Variants in ZFP1 observed in about 807,000 individuals in gnomAD.
ZFP1 encodes zinc finger protein 1 homolog.
A neutral mutation model predicts 38.5 loss-of-function variants in ZFP1; 32 were observed. The ratio of observed to expected loss-of-function variants is 0.83; its 90% CI spans 0.63 to 1.12. The LOEUF is 1.12. Among genes scored for constraint, ZFP1 ranks in the 50% most tolerant of loss-of-function variants. The pLI is 0.00. For missense variants in ZFP1, 616 were observed against 480.8 expected, an observed-to-expected ratio of 1.28 and a Z score of -2.63; for synonymous variants, 245 against 168.8, an observed-to-expected ratio of 1.45 and a Z score of -3.50.
chr16:75,153,858 T>C (rs1427113532), intron 2 of ZFP1, among the ~76,000 whole-genome samples: 1 of 152,196 alleles, frequency 6.6e-6, no homozygotes, highest in Admixed American at 6.5e-5. Context: ...TCTCCCTCTG[T>C]CTCCCTAAGT....
chr16:75,119,846 C>G, the ZFP1 span, among the ~76,000 whole-genome samples: 2 of 151,338 alleles, frequency 1.3e-5, no homozygotes, highest in East Asian at 1.9e-4. Context: ...TGGCTAAATT[C>G]ACACACACAC....
intron 2 of ZFP1, among the ~76,000 whole-genome samples, chr16:75,164,295 G>A (rs1052508085): frequency 1.3e-5 from 2 of 152,064 alleles, no homozygotes; most frequent in African/African-American, 4.8e-5. Flanking sequence ...GATTTTATCT[G>A]CTTTTCCTTC....
At position 75,169,931 on chromosome 16, in the gene ZFP1, G is replaced by C. The variant is rs1379331693; in HGVS notation, c.821G>C (p.Gly274Ala). The C allele has an allele frequency of 6.2e-7, 1 of 1,614,042 alleles. No homozygotes were observed. Among genetic ancestry groups the C allele is most frequent in the Non-Finnish European group, 8.5e-7 (1 of 1,180,038 alleles). ...AAGCCCTATGAGTGCAGTGAATGTG[G>C]AAAGACATTTGCCCAAAAGTTTGAA... ...EKKPYECSEC[G>A]KTFAQKFELT... The change falls in exon 4 of 4, where the codon GGA (glycine) becomes GCA (alanine). Residue 274 changes from glycine to alanine, a missense_variant. By Grantham distance (60) the Gly-to-Ala change is moderately conservative. Coordinates refer to ENST00000570010, the MANE Select transcript of ZFP1 (RefSeq NM_153688.4).
the ZFP1 span, chr16:75,119,724 A>G: frequency 2.4e-4 from 36 of 152,064 alleles, no homozygotes; most frequent in African/African-American, 8.7e-4. Flanking sequence ...GTTGTTGTTC[A>G]TTTCTCTTTT....
the ZFP1 span, among the ~76,000 whole-genome samples, chr16:75,136,339 G>A: frequency 4.6e-5 from 7 of 152,194 alleles, no homozygotes; most frequent in Non-Finnish European, 1.0e-4. Context: ...AGTCAATGAA[G>A]TTGTTTTTTG....
chr16:75,133,484 T>G, the ZFP1 span, among the ~76,000 whole-genome samples: 3 of 152,234 alleles, frequency 2.0e-5, no homozygotes, highest in Admixed American at 2.0e-4. Context: ...TATAAATTCT[T>G]ATCATTTAGC....
the ZFP1 span, among the ~76,000 whole-genome samples, chr16:75,132,140 C>T: frequency 6.6e-6 from 1 of 152,126 alleles, no homozygotes; most frequent in Admixed American, 6.5e-5. Context: ...GTCATCCCAG[C>T]GCTTTGGGAA....
intron 2 of ZFP1, 114 bp downstream of exon 2, chr16:75,153,080 A>G: frequency 7.2e-7 from 1 of 1,393,484 alleles, no homozygotes; most frequent in South Asian, 1.3e-5. Context: ...ACATAGCAAG[A>G]ATAACTAATC....
intron 2 of ZFP1, among the ~76,000 whole-genome samples, chr16:75,165,300 T>C (rs2038011068): frequency 6.6e-6 from 1 of 152,202 alleles, no homozygotes; most frequent in South Asian, 2.1e-4. Context: ...CTAAATACTT[T>C]CAGCCCTTTG....
chr16:75,165,530 G>T (rs1161199058), intron 2 of ZFP1, among the ~76,000 whole-genome samples: 1 of 152,132 alleles, frequency 6.6e-6, no homozygotes, highest in East Asian at 1.9e-4. Flanking sequence ...GAGTAGCTGG[G>T]ATTACAGGCG....
At position 75,171,734 on chromosome 16, in the gene ZFP1, A is replaced by C. The variant is rs1259048284; in HGVS notation, c.*1400A>C. ...GATATCATTGATGTGCTGTCACACT[A>C]TATATTGAGTGACTTTCTGAACAAA... On this transcript the variant is annotated 3_prime_UTR_variant, in exon 4 of 4. Transcript: ENST00000570010. The C allele has an allele frequency of 6.6e-6, 1 of 152,236 alleles. No individual in the cohort carries two copies. The highest frequency in any genetic ancestry group is 6.5e-5 in the Admixed American group (1 of 15,270). The allele number at this position is 152,236 out of a possible 1,614,324, so 9.4% of individuals were successfully genotyped here.
intron 1 of ZFP1, among the ~76,000 whole-genome samples, chr16:75,151,127 G>A (rs2037184010): frequency 6.6e-6 from 1 of 151,846 alleles, no homozygotes; most frequent in Non-Finnish European, 1.5e-5. Context: ...CCAAAGTGCT[G>A]GGTTTACAGG....
At chr16:75,167,154 AAG>A (rs2038134616) in intron 3 of ZFP1, among the ~76,000 whole-genome samples, 1 of 152,244 alleles carries the variant, frequency 6.6e-6, no homozygotes. Flanking sequence ...GAGCAACCAG[AAG>A]AGTTTTGGGT....
chr16:75,164,432 A>G (rs1439463436), intron 2 of ZFP1, among the ~76,000 whole-genome samples: 1 of 152,226 alleles, frequency 6.6e-6, no homozygotes. Context: ...AGTTGATGAC[A>G]TCCAGAAATT....
At chr16:75,169,208 C>T (rs370228453) in intron 3 of ZFP1, 45 bp from the exon 4 acceptor site, 73 of 1,550,332 alleles carry the variant, frequency 4.7e-5, no homozygotes, top group Middle Eastern at 1.7e-4. Flanking sequence ...AACATTATAG[C>T]GGAGGCATTG....
the ZFP1 span, chr16:75,126,418 C>G: frequency 6.6e-6 from 1 of 151,028 alleles, no homozygotes; most frequent in African/African-American, 2.4e-5. Context: ...AAAGTCCACC[C>G]GCCTCGACAG....
rs760930315 is a variant in ZFP1, at chr16:75,169,243, CTA to C, written c.143-8_143-7del. 2.5e-5 allele frequency: 40 copies of C among 1,593,204 alleles called. No homozygotes were observed. The East Asian group carries it at 3.6e-4, about 14-fold the overall frequency. ...GACAAGGTTCTTTTCATTGTGCTCT[CTA>C]TTCCTAGAAGTGTGGAAGGCTGATG... is the stretch of plus-strand genomic sequence containing the variant. On this transcript the variant is annotated splice_region_variant and splice_polypyrimidine_tract_variant and intron_variant, in intron 3 of 3. Transcript: ENST00000570010.
the ZFP1 span, among the ~76,000 whole-genome samples, chr16:75,138,382 A>T: frequency 6.6e-6 from 1 of 152,080 alleles, no homozygotes; most frequent in African/African-American, 2.4e-5. Context: ...CTTCCTTCCA[A>T]AGAGTACAGA....
the ZFP1 span, among the ~76,000 whole-genome samples, chr16:75,123,887 C>T: frequency 1.3e-5 from 2 of 151,674 alleles, no homozygotes; most frequent in Non-Finnish European, 2.9e-5. Flanking sequence ...GTCAGGAAAT[C>T]AAGACCATTC....
Sources: gnomAD v4.1 joint callset for allele counts (sites outside exome capture counted in the v4.1 genomes callset) on GRCh38, gnomAD v4.1.1 for gene constraint, MANE v1.5 for transcripts, NCBI Gene and HGNC (gene_info 2026-07-23, HGNC 2026-07-21) for gene names.